Variants in MTAP observed in about 807,000 individuals in gnomAD.
MTAP encodes methylthioadenosine phosphorylase.
In MTAP, 33 loss-of-function variants were observed where a neutral mutation model predicts 33.6. The observed-to-expected ratio is 0.98, with a 90% CI of 0.74 to 1.31. MTAP has a LOEUF of 1.31. MTAP is among the 40% of genes most tolerant of loss of function. The pLI is 0.00. For synonymous variants in MTAP, 148 were observed against 125.7 expected (o/e 1.18, Z -1.19); for missense variants, 367 against 360.0 (o/e 1.02, Z -0.16).
At position 21,862,134 on chromosome 9, in the gene MTAP, GA is replaced by G; in HGVS notation, c.*121del. 1.3e-6 allele frequency: 2 copies of G among 1,566,452 alleles called. No homozygotes were observed. The highest frequency in any genetic ancestry group is 2.4e-5 in the South Asian group (2 of 83,140). ...AGCTTTCATGCCCTTGCCTATCAAA[GA>G]GTATGTTGTAAGAAAGACAAGACAT... is the stretch of plus-strand genomic sequence containing the variant. On this transcript the variant is annotated 3_prime_UTR_variant, in exon 8 of 8. Transcript: ENST00000644715.
At chr9:21,875,763 T>A (rs1237237811) in intron 1 of MTAP, among the ~76,000 whole-genome samples, 2 of 152,204 alleles carry the variant, frequency 1.3e-5, no homozygotes, top group African/African-American at 4.8e-5. Context: ...ATGGTACATA[T>A]GTACCACATT....
downstream of MTAP, chr9:21,934,096 A>T (rs962061490): frequency 6.6e-6 from 1 of 152,220 alleles, no homozygotes; most frequent in South Asian, 2.1e-4. The surrounding 1 kb of genome is among the most constrained non-coding windows in gnomAD (Gnocchi z 5.0). Flanking sequence ...GTCAGAACAA[A>T]TTTATAGACA....
At chr9:21,925,953 TG>T (rs1330667276) in intron 1 of MTAP, among the ~76,000 whole-genome samples, 1 of 152,238 alleles carries the variant, frequency 6.6e-6, no homozygotes, top group Non-Finnish European at 1.5e-5. Context: ...CTTTGCTGCC[TG>T]TGAGGGGAGA....
At chr9:21,874,694 C>CTTTTTTTTTTT (rs10713371) in intron 1 of MTAP, among the ~76,000 whole-genome samples, 4 of 139,724 alleles carry the variant, frequency 2.9e-5, no homozygotes, top group African/African-American at 5.2e-5. Context: ...AATCATTTTT[C>CTTTTTTTTTTT]TTTTTTTTTT....
At chr9:21,861,253 A>G (rs1467067283) in intron 7 of MTAP, 1 of 152,134 alleles carries the variant, frequency 6.6e-6, no homozygotes, top group Non-Finnish European at 1.5e-5. Flanking sequence ...TTTTATTTGT[A>G]TGCATTTTTA....
chr9:21,828,121 A>G lies in MTAP; in HGVS notation c.348-9787A>G, dbSNP rs1228747509. ...GACTAGAAAGAAAACAGGTATTGCC[A>G]TCAGATCTGGTTTCATTCTATCTTA... On this transcript the variant is annotated intron_variant, in intron 4 of 7. Transcript: ENST00000644715. Among the ~76,000 whole-genome samples, 6 of 152,252 alleles carry G rather than the reference A, an allele frequency of 3.9e-5. 1 individual carries two copies. Among genetic ancestry groups the G allele is most frequent in the Non-Finnish European group, 8.8e-5 (6 of 68,038 alleles).
intron 2 of MTAP, among the ~76,000 whole-genome samples, chr9:21,816,390 C>A (rs1244148032): frequency 6.6e-6 from 1 of 152,122 alleles, no homozygotes; most frequent in Non-Finnish European, 1.5e-5. Context: ...CACACCTGTT[C>A]TCAAACCTGC....
intron 4 of MTAP, among the ~76,000 whole-genome samples, chr9:21,832,355 T>G (rs1824988692): frequency 6.6e-6 from 1 of 152,224 alleles, no homozygotes; most frequent in African/African-American, 2.4e-5. Flanking sequence ...TCTTTCTGCC[T>G]CTTGATGACT....
chr9:21,930,826 G>A (rs748352377), intron 1 of MTAP: 1 of 686,200 alleles, frequency 1.5e-6, no homozygotes, highest in Non-Finnish European at 2.5e-6. Context: ...CTCCTAAATC[G>A]AGCCTCCAGC....
At chr9:21,854,044 TG>T (rs927150024) in intron 5 of MTAP, among the ~76,000 whole-genome samples, 4 of 152,192 alleles carry the variant, frequency 2.6e-5, no homozygotes, top group African/African-American at 9.7e-5. Context: ...AATTCCAAGA[TG>T]TTTATCCCTG....
At chr9:21,842,944 G>A (rs910272843) in intron 5 of MTAP, among the ~76,000 whole-genome samples, 1 of 152,100 alleles carries the variant, frequency 6.6e-6, no homozygotes, top group Admixed American at 6.5e-5. Flanking sequence ...TGACCTAAAT[G>A]CCCCACTTAA....
In MTAP at chr9:21,815,519, G is replaced by A. The variant is rs532029196; in HGVS notation, c.120G>A (p.Lys40=). 3.8e-6 allele frequency: 6 copies of A among 1,599,560 alleles called. No individual in the cohort carries two copies. Among genetic ancestry groups the A allele is most frequent in the South Asian group, 1.1e-5 (1 of 89,892 alleles). The change falls in exon 2 of 8, where the codon AAG becomes AAA. Residue 40 remains lysine, a splice_region_variant and synonymous_variant. Coordinates refer to ENST00000644715, the MANE Select transcript of MTAP (RefSeq NM_002451.4). The part of the protein sequence containing the change: ...TEKYVDTPFG[K]PSDALILGKI... Reference sequence around the variant, plus strand: ...AATATGTGGATACTCCATTTGGCAAGGTTAATATCCAACTTGTGGAGACAT... The same window carrying A: ...AATATGTGGATACTCCATTTGGCAAAGTTAATATCCAACTTGTGGAGACAT...
intron 1 of MTAP, chr9:21,811,731 A>T: frequency 1.9e-6 from 1 of 531,798 alleles, no homozygotes; most frequent in South Asian, 1.4e-5. Flanking sequence ...GCCTCGGTGA[A>T]TTCCATCTCA....
At chr9:21,905,630 A>G (rs1211732671) in intron 1 of MTAP, among the ~76,000 whole-genome samples, 2 of 146,500 alleles carry the variant, frequency 1.4e-5, no homozygotes, top group Non-Finnish European at 3.0e-5. Flanking sequence ...AGAGTTCAGG[A>G]AAGTGAAATA....
At chr9:21,869,654 C>G (rs1422161806), downstream of MTAP, among the ~76,000 whole-genome samples, 1 of 152,094 alleles carries the variant, frequency 6.6e-6, no homozygotes, top group African/African-American at 2.4e-5. Context: ...ACTTGAAGTC[C>G]TTGACTCTTC....
chr9:21,934,480 A>G (rs1476997942), downstream of MTAP: 1 of 152,212 alleles, frequency 6.6e-6, no homozygotes, highest in Non-Finnish European at 1.5e-5. The surrounding 1 kb of genome is among the most constrained non-coding windows in gnomAD (Gnocchi z 5.0). Context: ...AGAGTTGTCA[A>G]CATTAAATAT....
At chr9:21,887,639 G>A (rs928894553) in intron 1 of MTAP, among the ~76,000 whole-genome samples, 1 of 152,158 alleles carries the variant, frequency 6.6e-6, no homozygotes, top group Admixed American at 6.6e-5. Flanking sequence ...TAATGGGATG[G>A]CTGGGTCAAA....
At chr9:21,894,027 C>T (rs774467552) in intron 1 of MTAP, among the ~76,000 whole-genome samples, 2 of 151,786 alleles carry the variant, frequency 1.3e-5, no homozygotes, top group East Asian at 3.9e-4. Context: ...CGAAATCCAG[C>T]ATTGTATCAA....
chr9:21,834,940 A>C (rs772968891), intron 4 of MTAP, among the ~76,000 whole-genome samples: 49 of 152,134 alleles, frequency 3.2e-4, no homozygotes, highest in Non-Finnish European at 5.4e-4. Context: ...ATATTTAAGC[A>C]AGGGTGTATA....
Sources: gnomAD v4.1 joint callset for allele counts (sites outside exome capture counted in the v4.1 genomes callset) on GRCh38, gnomAD v4.1.1 for gene constraint, Gnocchi (gnomAD v3.1) non-coding constraint, MANE v1.5 for transcripts, NCBI Gene and HGNC (gene_info 2026-07-23, HGNC 2026-07-21) for gene names.